Variants in NAV3 observed in about 807,000 individuals in gnomAD.
NAV3 encodes the protein pore membrane and/or filament interacting like protein 1.
Under a neutral mutation model 244.7 loss-of-function variants are expected in NAV3, and 87 were observed. The ratio of observed to expected loss-of-function variants is 0.36; its 90% CI spans 0.30 to 0.42. NAV3 has a LOEUF of 0.42. Among genes scored for constraint, NAV3 ranks in the 20% least tolerant of loss-of-function variants. The pLI is 1.00. For missense variants in NAV3, 2,663 were observed against 2,893.3 expected, an observed-to-expected ratio of 0.92 and a Z score of 1.83; for synonymous variants, 1,126 against 1,042.2, an observed-to-expected ratio of 1.08 and a Z score of -1.55.
intron 2 of NAV3, among the ~76,000 whole-genome samples, chr12:77,700,448 AC>A (rs1210377835): frequency 6.6e-6 from 1 of 152,150 alleles, no homozygotes; most frequent in Non-Finnish European, 1.5e-5. Context: ...TTCCATAAAA[AC>A]AATCACGTTA....
intron 8 of NAV3, among the ~76,000 whole-genome samples, chr12:78,009,913 G>A (rs1197940381): frequency 1.3e-5 from 2 of 152,048 alleles, no homozygotes; most frequent in Admixed American, 6.6e-5. Context: ...ATATAAGATA[G>A]CTAAAAATAA....
chr12:78,017,068 A>C (rs1482181812), intron 8 of NAV3, among the ~76,000 whole-genome samples: 1 of 152,134 alleles, frequency 6.6e-6, no homozygotes, highest in Non-Finnish European at 1.5e-5. Flanking sequence ...AGCATCTACT[A>C]GATTGTTACC....
At chr12:77,585,381 T>C (rs1229771372) in intron 2 of NAV3, among the ~76,000 whole-genome samples, 1 of 152,176 alleles carries the variant, frequency 6.6e-6, no homozygotes, top group Non-Finnish European at 1.5e-5. Flanking sequence ...TTCTATCTCT[T>C]TTACCTGGGT....
chr12:77,951,279 C>G (rs969842447), intron 3 of NAV3, among the ~76,000 whole-genome samples: 4 of 152,116 alleles, frequency 2.6e-5, no homozygotes, highest in Non-Finnish European at 5.9e-5. Flanking sequence ...AGACACTTCT[C>G]AAAAGAAGAT....
At chr12:78,025,785 A>C (rs1407056389) in intron 9 of NAV3, among the ~76,000 whole-genome samples, 2 of 151,864 alleles carry the variant, frequency 1.3e-5, no homozygotes, top group Non-Finnish European at 2.9e-5. Flanking sequence ...TGGCACCTTC[A>C]CTTTTTCTTG....
intron 2 of NAV3, among the ~76,000 whole-genome samples, chr12:77,785,643 T>C (rs1870871562): frequency 6.6e-6 from 1 of 152,124 alleles, no homozygotes; most frequent in Non-Finnish European, 1.5e-5. Context: ...ACAAGAACAT[T>C]GCAGATATCA....
rs2136560290 is a variant in NAV3, at chr12:78,006,570, C to G, written c.1032C>G (p.Thr344=). The G allele has an allele frequency of 1.2e-6, 2 of 1,614,074 alleles. No homozygotes were observed. The highest frequency in any genetic ancestry group is 1.7e-6 in the Non-Finnish European group (2 of 1,180,028). ...SKSMNVKHSA[T]STMLTVKQSS... ...CCATGAATGTCAAACACAGTGCCACCTCCACCATGTTGACTGTAAAGCAGT... is the reference window on the plus strand; with the variant it reads ...CCATGAATGTCAAACACAGTGCCACGTCCACCATGTTGACTGTAAAGCAGT... Residue 344 remains threonine (T), a synonymous_variant, in exon 8 of 40, where the codon ACC becomes ACG. Transcript: ENST00000397909.
At chr12:77,783,062 T>A (rs113922578) in intron 2 of NAV3, among the ~76,000 whole-genome samples, 1 of 152,232 alleles carries the variant, frequency 6.6e-6, no homozygotes, top group African/African-American at 2.4e-5. Flanking sequence ...TTGAAACATA[T>A]TTTTAAAATT....
chr12:77,948,273 G>T (rs1362990341), intron 3 of NAV3, among the ~76,000 whole-genome samples: 4 of 151,870 alleles, frequency 2.6e-5, no homozygotes, highest in Admixed American at 6.6e-5. Context: ...TGTTCTTATT[G>T]TTGTCAATAT....
chr12:77,842,182 C>T (rs1875784098), intron 1 of NAV3, among the ~76,000 whole-genome samples: 1 of 152,138 alleles, frequency 6.6e-6, no homozygotes, highest in South Asian at 2.1e-4. Flanking sequence ...CATAATGACA[C>T]TCAAGTTACT....
intron 1 of NAV3, among the ~76,000 whole-genome samples, chr12:77,876,672 A>G (rs1881893624): frequency 6.6e-6 from 1 of 152,042 alleles, no homozygotes; most frequent in South Asian, 2.1e-4. Context: ...CTTCATTCAT[A>G]TTTCCTATGA....
In NAV3 at chr12:77,958,001, A is replaced by G. The variant is rs191361525; in HGVS notation, c.415-8228A>G. Among the ~76,000 whole-genome samples, 921 of 152,304 alleles carry G rather than the reference A, an allele frequency of 6.0e-3. 8 individuals carry two copies. The highest frequency in any genetic ancestry group is 9.5e-3 in the Non-Finnish European group (648 of 68,012). On this transcript the variant is annotated intron_variant, in intron 3 of 39. Coordinates refer to ENST00000397909, the MANE Select transcript of NAV3 (RefSeq NM_001024383.2). ...TTCTAATACACACTCTATGGTTGAT[A>G]TGTCAAGAACACGTGTTAACTCTCA... is the stretch of plus-strand genomic sequence containing the variant.
At chr12:78,084,433 A>G (rs1323810980) in intron 12 of NAV3, among the ~76,000 whole-genome samples, 1 of 152,136 alleles carries the variant, frequency 6.6e-6, no homozygotes, top group Non-Finnish European at 1.5e-5. Flanking sequence ...AGTTATTTCT[A>G]AACTGTCCTG....
intron 2 of NAV3, among the ~76,000 whole-genome samples, chr12:77,695,141 G>T (rs918079377): frequency 6.6e-6 from 1 of 152,166 alleles, no homozygotes; most frequent in Non-Finnish European, 1.5e-5. Flanking sequence ...TTGCTGTGCA[G>T]AAGCTTTTTA....
intron 2 of NAV3, among the ~76,000 whole-genome samples, chr12:77,774,246 A>G (rs1425184926): frequency 6.6e-6 from 1 of 152,198 alleles, no homozygotes; most frequent in African/African-American, 2.4e-5. Context: ...CAAATTAGGA[A>G]AGGCCCAATA....
At chr12:77,717,667 C>A (rs184086679) in intron 2 of NAV3, among the ~76,000 whole-genome samples, 60 of 151,848 alleles carry the variant, frequency 4.0e-4, no homozygotes, top group Admixed American at 3.8e-3. Flanking sequence ...TTTAAAGGAA[C>A]TTTCATACTG....
At chr12:77,768,388 C>A (rs1355011688) in intron 2 of NAV3, among the ~76,000 whole-genome samples, 1 of 152,172 alleles carries the variant, frequency 6.6e-6, no homozygotes, top group African/African-American at 2.4e-5. Flanking sequence ...CCAGGGTGCC[C>A]AGGCTGTTTG....
At chr12:77,599,617 A>T (rs1870328165) in intron 2 of NAV3, among the ~76,000 whole-genome samples, 1 of 151,782 alleles carries the variant, frequency 6.6e-6, no homozygotes, top group Admixed American at 6.6e-5. Context: ...GTTAGTAGAG[A>T]TATATATATG....
At chr12:78,174,047 C>T (rs1476972112) in intron 24 of NAV3, among the ~76,000 whole-genome samples, 1 of 151,604 alleles carries the variant, frequency 6.6e-6, no homozygotes, top group African/African-American at 2.4e-5. Context: ...AAACTGTCAG[C>T]TTTATAGTAA....
Sources: gnomAD v4.1 joint callset for allele counts (sites outside exome capture counted in the v4.1 genomes callset) on GRCh38, gnomAD v4.1.1 for gene constraint, MANE v1.5 for transcripts, NCBI Gene and HGNC (gene_info 2026-07-23, HGNC 2026-07-21) for gene names.